The following MCTP1 variants were observed in gnomAD, a reference collection of about 807,000 sequenced individuals.
MCTP1 encodes multiple C2 and transmembrane domain containing 1, also known as multiple C2 and transmembrane domain-containing protein 1.
MCTP1 carries 69 observed loss-of-function variants against 120.6 expected under a neutral mutation model. The ratio of observed to expected loss-of-function variants is 0.57; its 90% CI spans 0.47 to 0.70. The LOEUF (loss-of-function observed/expected upper bound fraction) is 0.70. Ranked by LOEUF, MCTP1 falls within the 30% of genes least tolerant of loss-of-function variation. The pLI is 0.00. For missense variants in MCTP1, 1,203 were observed against 1,248.8 expected (o/e 0.96, Z 0.55); for synonymous variants, 529 against 493.1 (o/e 1.07, Z -0.96).
intron 2 of MCTP1, among the ~76,000 whole-genome samples, chr5:95,011,854 G>C (rs1187267047): frequency 6.6e-6 from 1 of 152,090 alleles, no homozygotes; most frequent in African/African-American, 2.4e-5. Flanking sequence ...GTCATTAAAT[G>C]TTCCTTTAAG....
intron 1 of MCTP1, among the ~76,000 whole-genome samples, chr5:95,072,368 G>C (rs1425244003): frequency 2.0e-5 from 3 of 152,152 alleles, no homozygotes; most frequent in Non-Finnish European, 4.4e-5. Context: ...AGCTTGTAAA[G>C]ACTCCAATAA....
intron 1 of MCTP1, among the ~76,000 whole-genome samples, chr5:95,210,037 T>C (rs10046810): frequency 0.012 from 1,839 of 152,222 alleles, 31 homozygotes; most frequent in African/African-American, 0.041. Flanking sequence ...GTCTGAGAGA[T>C]AGTTTGTTAT....
chr5:95,258,232 C>T (rs1316120933), intron 1 of MCTP1, among the ~76,000 whole-genome samples: 3 of 152,142 alleles, frequency 2.0e-5, no homozygotes, highest in Admixed American at 2.0e-4. Flanking sequence ...TCAAGGTCAA[C>T]ATTAACAGTG....
chr5:95,217,704 T>C (rs1360586072), intron 1 of MCTP1, among the ~76,000 whole-genome samples: 2 of 152,098 alleles, frequency 1.3e-5, no homozygotes, highest in African/African-American at 4.8e-5. Context: ...TATGGAAACC[T>C]AAAAAAGCAC....
chr5:94,822,783 T>C (rs1472938263), intron 17 of MCTP1, among the ~76,000 whole-genome samples: 5 of 152,252 alleles, frequency 3.3e-5, no homozygotes, highest in African/African-American at 9.6e-5. Flanking sequence ...ACTGTGGTTT[T>C]GATTTGCATT....
intron 1 of MCTP1, chr5:95,081,664 T>C (rs1754962217): frequency 1.5e-6 from 2 of 1,323,946 alleles, no homozygotes; most frequent in African/African-American, 1.5e-5. Flanking sequence ...GAAGAACCCG[T>C]GATGTTTAAA....
intron 3 of MCTP1, among the ~76,000 whole-genome samples, chr5:94,945,642 A>T (rs1818729152): frequency 2.0e-5 from 3 of 152,172 alleles, no homozygotes; most frequent in Non-Finnish European, 1.5e-5. Context: ...GGGTGGGGAG[A>T]GACAGACAAT....
chr5:95,081,609 G>C, intron 1 of MCTP1: 1 of 1,402,510 alleles, frequency 7.1e-7, no homozygotes, highest in South Asian at 1.7e-5. Context: ...AGCCCTGCAC[G>C]GAGCACTTGC....
intron 10 of MCTP1, among the ~76,000 whole-genome samples, chr5:94,903,082 C>T (rs564507599): frequency 2.7e-4 from 41 of 152,154 alleles, no homozygotes; most frequent in Non-Finnish European, 4.4e-4. Context: ...CGAAAATCAA[C>T]GACAAACTCC....
chr5:94,988,603 T>TGG, intron 2 of MCTP1, among the ~76,000 whole-genome samples: 1 of 151,122 alleles, frequency 6.6e-6, no homozygotes, highest in East Asian at 1.9e-4. Flanking sequence ...GTGTGTTTTT[T>TGG]TTTTTTTTTT....
intron 1 of MCTP1, among the ~76,000 whole-genome samples, chr5:95,134,232 ACT>A (rs1054861113): frequency 2.0e-5 from 3 of 151,996 alleles, no homozygotes; most frequent in African/African-American, 7.2e-5. Context: ...GATTTTTGAA[ACT>A]CTATTTTTCA....
intron 1 of MCTP1, among the ~76,000 whole-genome samples, chr5:95,264,640 A>T (rs1382354104): frequency 2.0e-5 from 3 of 152,174 alleles, no homozygotes; most frequent in Non-Finnish European, 4.4e-5. Flanking sequence ...TTTGGATTGA[A>T]TGCCCCTCAC....
rs1038192701 is a variant in MCTP1, at chr5:94,705,393, A to G, written c.*2103T>C. ...ACCCCTCCAGAGGTATTTTCATATA[A>G]GAGTCAGAGTTTCAGGAAAAAGGTC... On this transcript the variant is annotated 3_prime_UTR_variant, in exon 23 of 23. Transcript: ENST00000515393. 2 of 151,110 alleles carry G rather than the reference A, an allele frequency of 1.3e-5. No individual in the cohort carries two copies. The highest frequency in any genetic ancestry group is 2.1e-4 in the South Asian group (1 of 4,818). 9.4% of individuals were successfully genotyped at this position (151,110 alleles called of 1,614,324 possible). A position where few individuals can be genotyped will look rare whatever the true frequency, so the allele number is the denominator to read the frequency against.
intron 1 of MCTP1, among the ~76,000 whole-genome samples, chr5:95,255,090 G>T (rs565152746): frequency 6.6e-6 from 1 of 152,270 alleles, no homozygotes; most frequent in African/African-American, 2.4e-5. Flanking sequence ...CTTCATTTGA[G>T]TATGGTCATA....
At chr5:94,925,071 A>G (rs910073921) in intron 6 of MCTP1, among the ~76,000 whole-genome samples, 1 of 152,160 alleles carries the variant, frequency 6.6e-6, no homozygotes, top group Non-Finnish European at 1.5e-5. Flanking sequence ...TCATTTTACA[A>G]CCCCTATTCT....
chr5:94,784,766 G>A (rs1335939010), intron 18 of MCTP1: 1 of 151,828 alleles, frequency 6.6e-6, no homozygotes, highest in Non-Finnish European at 1.5e-5. Flanking sequence ...GGCTTGCCAG[G>A]GAGGCTGAAT....
intron 2 of MCTP1, among the ~76,000 whole-genome samples, chr5:94,980,191 C>A (rs1416866595): frequency 2.0e-5 from 3 of 152,064 alleles, no homozygotes; most frequent in African/African-American, 4.8e-5. Context: ...CATTTATAAT[C>A]TTTTAATTGT....
chr5:95,279,849 C>T (rs1760170943), intron 1 of MCTP1, among the ~76,000 whole-genome samples: 1 of 152,152 alleles, frequency 6.6e-6, no homozygotes, highest in South Asian at 2.1e-4. Context: ...TCCAAAATGT[C>T]CTAAGGTCTC....
At chr5:94,890,251 C>T (rs1287507687) in intron 11 of MCTP1, among the ~76,000 whole-genome samples, 1 of 152,194 alleles carries the variant, frequency 6.6e-6, no homozygotes, top group Non-Finnish European at 1.5e-5. Flanking sequence ...AGTGATCCTC[C>T]AGCCTTGGCT....
Sources: allele counts gnomAD v4.1 joint callset (sites outside exome capture counted in the v4.1 genomes callset), GRCh38; gene constraint gnomAD v4.1.1; transcripts MANE v1.5; gene names NCBI Gene and HGNC (gene_info 2026-07-23, HGNC 2026-07-21).